The following XKR4 variants were observed in gnomAD, a reference collection of about 807,000 sequenced individuals.
XKR4 encodes the protein XK-related protein 4.
XKR4 carries 12 observed loss-of-function variants against 53.9 expected under a neutral mutation model. That is an observed-to-expected ratio of 0.22 (90% CI 0.14 to 0.36). The LOEUF (loss-of-function observed/expected upper bound fraction) is 0.36, where lower values mean the gene tolerates loss of function less well. Among genes scored for constraint, XKR4 ranks in the 10% least tolerant of loss-of-function variants. The probability of loss-of-function intolerance (pLI) is 1.00; values close to 1 mark genes in which losing one functional copy is unlikely to be tolerated. For missense variants in XKR4, 799 were observed against 859.5 expected (o/e 0.93, Z 0.88); for synonymous variants, 354 against 362.4 (o/e 0.98, Z 0.26).
chr8:55,116,890 G>A (rs1317157490), intron 1 of XKR4, among the ~76,000 whole-genome samples: 1 of 152,226 alleles, frequency 6.6e-6, no homozygotes, highest in Admixed American at 6.5e-5. Context: ...CCATATGCTT[G>A]CTACTACCCA....
At chr8:55,451,326 AGTG>A in intron 2 of XKR4, 1 of 624,688 alleles carries the variant, frequency 1.6e-6, no homozygotes, top group Non-Finnish European at 2.9e-6. Flanking sequence ...GGTTAGACAG[AGTG>A]GTGACCCTGG....
In XKR4 at chr8:55,316,389, C is replaced by T. The variant is rs56390229; in HGVS notation, c.807-41289C>T. On this transcript the variant is annotated intron_variant, in intron 1 of 2. Coordinates refer to ENST00000327381, the MANE Select transcript of XKR4 (RefSeq NM_052898.2). The stretch of plus-strand genomic sequence containing the variant: ...GATTCCTGGTATGTAGCGAGAAAGC[C>T]AAGGATGAGACAAATAGTTTTGGTT... Among the ~76,000 whole-genome samples, 728 of 152,192 alleles carry T rather than the reference C, an allele frequency of 4.8e-3. 6 individuals are homozygous for T. Among genetic ancestry groups the T allele is most frequent in the African/African-American group, 0.016 (662 of 41,508 alleles).
chr8:55,498,958 C>T (rs545516377), intron 2 of XKR4, among the ~76,000 whole-genome samples: 9 of 152,340 alleles, frequency 5.9e-5, no homozygotes, highest in African/African-American at 2.2e-4. Flanking sequence ...AGGATCCATC[C>T]ACTCCCAGGC....
intron 2 of XKR4, among the ~76,000 whole-genome samples, chr8:55,478,096 A>G (rs1806029674): frequency 6.6e-6 from 1 of 152,104 alleles, no homozygotes; most frequent in African/African-American, 2.4e-5. Context: ...TCCAAGACAC[A>G]TAATTGTCAG....
intron 1 of XKR4, among the ~76,000 whole-genome samples, chr8:55,165,172 A>G (rs1056533056): frequency 8.5e-5 from 13 of 152,214 alleles, no homozygotes; most frequent in South Asian, 2.1e-4. Context: ...ACTGGTCTTT[A>G]CTGGAATTAG....
In XKR4 at chr8:55,115,580, C is replaced by T. The variant is rs531062175; in HGVS notation, c.806+12286C>T. ...TGGGCGGATCATGAGGTCAAGAGAT[C>T]GAGACCATCCTGGCCAACATGGTGA... On this transcript the variant is annotated intron_variant, in intron 1 of 2. Transcript: ENST00000327381. Among the ~76,000 whole-genome samples the T allele has an allele frequency of 6.6e-4, 101 of 152,244 alleles. 1 individual carries two copies. Among genetic ancestry groups the T allele is most frequent in the African/African-American group, 2.1e-3 (88 of 41,528 alleles).
chr8:55,172,778 T>C (rs756837139), intron 1 of XKR4, among the ~76,000 whole-genome samples: 20 of 152,236 alleles, frequency 1.3e-4, no homozygotes, highest in South Asian at 4.1e-4. Flanking sequence ...ATGTCTGCAA[T>C]GGAAAATCTG....
chr8:55,236,719 C>T (rs1285094091), intron 1 of XKR4, among the ~76,000 whole-genome samples: 1 of 152,162 alleles, frequency 6.6e-6, no homozygotes, highest in East Asian at 1.9e-4. Context: ...GCAACAGGCC[C>T]TTTTCTCCTG....
At chr8:55,396,790 A>C (rs1164531244) in intron 2 of XKR4, among the ~76,000 whole-genome samples, 1 of 152,234 alleles carries the variant, frequency 6.6e-6, no homozygotes, top group Non-Finnish European at 1.5e-5. Flanking sequence ...GAGGCTTAAC[A>C]GTACTTTAAA....
chr8:55,338,249 C>G (rs75010376), intron 1 of XKR4, among the ~76,000 whole-genome samples: 2 of 152,178 alleles, frequency 1.3e-5, no homozygotes, highest in Non-Finnish European at 2.9e-5. Flanking sequence ...AGATCCCCCT[C>G]CCACACAATC....
At chr8:55,265,637 T>TGAGCCTAG (rs999403049) in intron 1 of XKR4, among the ~76,000 whole-genome samples, 4 of 152,142 alleles carry the variant, frequency 2.6e-5, no homozygotes, top group South Asian at 2.1e-4. Flanking sequence ...GAGGATTGCT[T>TGAGCCTAG]GAGCCTAGGA....
intron 1 of XKR4, among the ~76,000 whole-genome samples, chr8:55,118,966 C>A (rs1480009224): frequency 6.6e-6 from 1 of 151,784 alleles, no homozygotes; most frequent in Non-Finnish European, 1.5e-5. Flanking sequence ...TCATGATTTT[C>A]TTCCATATAT....
At chr8:55,450,430 C>G (rs774851633) in intron 2 of XKR4, 1 of 569,824 alleles carries the variant, frequency 1.8e-6, no homozygotes, top group Non-Finnish European at 3.2e-6. Context: ...CTTGCTCATC[C>G]GGTCCACACA....
At chr8:55,212,976 G>T (rs1000399230) in intron 1 of XKR4, among the ~76,000 whole-genome samples, 16 of 152,114 alleles carry the variant, frequency 1.1e-4, no homozygotes, top group Non-Finnish European at 2.1e-4. Context: ...GTGAGATAAA[G>T]GTATTATTAT....
intron 1 of XKR4, among the ~76,000 whole-genome samples, chr8:55,125,819 T>C (rs575075017): frequency 6.6e-6 from 1 of 152,034 alleles, no homozygotes; most frequent in East Asian, 1.9e-4. Flanking sequence ...CATTTATGAG[T>C]AAATAAATCT....
At chr8:55,160,129 T>C (rs940116090) in intron 1 of XKR4, among the ~76,000 whole-genome samples, 1 of 151,928 alleles carries the variant, frequency 6.6e-6, no homozygotes, top group Admixed American at 6.6e-5. Context: ...AGCATAAGGG[T>C]GTAGTCATGA....
At chr8:55,369,545 G>A (rs1331362434) in intron 2 of XKR4, among the ~76,000 whole-genome samples, 2 of 120,008 alleles carry the variant, frequency 1.7e-5, no homozygotes, top group Non-Finnish European at 3.3e-5. Context: ...GAAAGAGAGA[G>A]AGAAAGAAAG....
intron 2 of XKR4, among the ~76,000 whole-genome samples, chr8:55,519,511 T>G (rs187750131): frequency 6.6e-6 from 1 of 152,176 alleles, no homozygotes; most frequent in Non-Finnish European, 1.5e-5. Flanking sequence ...TCAAGTACTA[T>G]ACTCTTCAAA....
chr8:55,435,707 C>G (rs948836739), intron 2 of XKR4, among the ~76,000 whole-genome samples: 5 of 151,840 alleles, frequency 3.3e-5, no homozygotes, highest in Non-Finnish European at 5.9e-5. Context: ...ATAGTGGGAC[C>G]CCAGGCATAT....
Sources: allele counts gnomAD v4.1 joint callset (sites outside exome capture counted in the v4.1 genomes callset), GRCh38; gene constraint gnomAD v4.1.1; transcripts MANE v1.5; gene names NCBI Gene and HGNC (gene_info 2026-07-23, HGNC 2026-07-21).